The following HTR2C variants were observed in gnomAD, a reference collection of about 807,000 sequenced individuals.
HTR2C encodes the protein 5-hydroxytryptamine receptor 2C.
HTR2C carries 5 observed loss-of-function variants against 21.0 expected under a neutral mutation model. The observed-to-expected ratio is 0.24, with a 90% CI of 0.12 to 0.50. The LOEUF (loss-of-function observed/expected upper bound fraction) is 0.50. Among genes scored for constraint, HTR2C ranks in the 20% least tolerant of loss-of-function variants. The pLI, the probability that HTR2C is intolerant of heterozygous loss-of-function variation, is 0.98. For missense variants in HTR2C, 271 were observed against 371.2 expected (o/e 0.73, Z 2.22); for synonymous variants, 150 against 145.3 (o/e 1.03, Z -0.23).
chrX:114,836,739 A>T (rs1462970964), intron 4 of HTR2C, among the ~76,000 whole-genome samples: 2 of 112,218 alleles, frequency 1.8e-5, no homozygotes, highest in African/African-American at 6.5e-5. Context: ...CCCCTCGGTA[A>T]CTTTTTAAAA....
At chrX:114,858,678 A>G (rs1343320966) in intron 5 of HTR2C, among the ~76,000 whole-genome samples, 1 of 110,965 alleles carries the variant, frequency 9.0e-6, no homozygotes, top group Non-Finnish European at 1.9e-5. Flanking sequence ...AAATTTTTTT[A>G]ATTAATTGTT....
chrX:114,904,786 A>G (rs1043529864), intron 5 of HTR2C, among the ~76,000 whole-genome samples: 8 of 111,026 alleles, frequency 7.2e-5, no homozygotes, highest in Non-Finnish European at 1.5e-4. Flanking sequence ...GCCAACACTG[A>G]TGTCTTTAGG....
intron 5 of HTR2C, among the ~76,000 whole-genome samples, chrX:114,848,954 A>G (rs1248211633): frequency 9.0e-6 from 1 of 111,427 alleles, no homozygotes; most frequent in Non-Finnish European, 1.9e-5. Context: ...TGGTGTAAAT[A>G]ATTTTTCTTC....
chrX:114,717,376 T>C (rs1049806397), intron 2 of HTR2C, among the ~76,000 whole-genome samples: 4 of 112,596 alleles, frequency 3.6e-5, no homozygotes, highest in Non-Finnish European at 7.5e-5. Flanking sequence ...CATGGTCTAT[T>C]CTACAATTTA....
chrX:114,755,011 G>A (rs1376915140), intron 4 of HTR2C, among the ~76,000 whole-genome samples: 2 of 111,355 alleles, frequency 1.8e-5, no homozygotes, highest in Non-Finnish European at 3.8e-5. Context: ...AGGCCAAGGC[G>A]GGTGGATCAC....
chrX:114,820,974 C>T (rs782222408), intron 4 of HTR2C, among the ~76,000 whole-genome samples: 6 of 111,596 alleles, frequency 5.4e-5, no homozygotes, highest in African/African-American at 1.6e-4. Context: ...TATCATTATT[C>T]TGCAGAGTGA....
rs183345518 is a variant in HTR2C, at chrX:114,723,472, G to A, written c.-79-3386G>A. 6.2e-3 allele frequency among the ~76,000 whole-genome samples: 685 copies of A among 110,636 alleles called. 9 individuals carry two copies. The highest frequency in any genetic ancestry group is 0.021 in the African/African-American group (631 of 30,373). ...TGATCCTTTCAAAAAACCAGCTCCC[G>A]GATTCAATAATTTTTTGAAGGGTTT... is the stretch of plus-strand genomic sequence containing the variant. On this transcript the variant is annotated intron_variant, in intron 2 of 5. Coordinates refer to ENST00000276198, the MANE Select transcript of HTR2C (RefSeq NM_000868.4).
chrX:114,769,481 T>C (rs782172335), intron 4 of HTR2C, among the ~76,000 whole-genome samples: 1 of 111,203 alleles, frequency 9.0e-6, no homozygotes, highest in African/African-American at 3.2e-5. Flanking sequence ...ATATAAATCT[T>C]ATACCATAAA....
At chrX:114,730,131 A>G (rs1255543682) in intron 3 of HTR2C, among the ~76,000 whole-genome samples, 2 of 112,093 alleles carry the variant, frequency 1.8e-5, no homozygotes, top group Non-Finnish European at 3.8e-5. Context: ...TTATGAAGGA[A>G]AAAATGTGTA....
In HTR2C at chrX:114,770,284, T is replaced by A. The variant is rs1198771653; in HGVS notation, c.349+38677T>A. Among the ~76,000 whole-genome samples, 3 of 111,855 alleles carry A rather than the reference T, an allele frequency of 2.7e-5. No individual in the cohort carries two copies. In the Admixed American group the frequency reaches 2.9e-4, roughly 11 times the overall value. The stretch of plus-strand genomic sequence containing the variant: ...AATTTGGGAAAATTTCAGCCATTGT[T>A]TTTTCAAATATCTTTTCTGTATCTT... On this transcript the variant is annotated intron_variant, in intron 4 of 5. Transcript: ENST00000276198.
Position 114,712,560 on chromosome X carries a change from C to T in HTR2C, c.-79-14298C>T, listed in dbSNP as rs186198868. On this transcript the variant is annotated intron_variant, in intron 2 of 5. Transcript: ENST00000276198. ...AGAAAACTTTATTTACAGTCAGTTG[C>T]CTTTCTCTGAATAATCATATTGTTG... Among the ~76,000 whole-genome samples the T allele has an allele frequency of 1.6e-3, 175 of 111,904 alleles. 2 individuals are homozygous for T. The highest frequency in any genetic ancestry group is 5.4e-3 in the African/African-American group (167 of 30,915).
In HTR2C at chrX:114,703,767, C is replaced by T. The variant is rs190053247; in HGVS notation, c.-79-23091C>T. On this transcript the variant is annotated intron_variant, in intron 2 of 5. Transcript: ENST00000276198. ...AAACCCTTCAAAAAATTATTGAATC[C>T]GGGAGCTGGTTTTTTGAAAGGATCA... 9.8e-3 allele frequency among the ~76,000 whole-genome samples: 1,077 copies of T among 110,231 alleles called. 13 individuals carry two copies. The highest frequency in any genetic ancestry group is 0.034 in the African/African-American group (1,033 of 30,297).
chrX:114,652,608 T>C (rs782229585), intron 2 of HTR2C: 1 of 359,411 alleles, frequency 2.8e-6, no homozygotes, highest in East Asian at 8.5e-5. Context: ...AAAGAAAATA[T>C]CATAACATAT....
At chrX:114,724,405 G>T (rs1183215352) in intron 2 of HTR2C, among the ~76,000 whole-genome samples, 1 of 102,996 alleles carries the variant, frequency 9.7e-6, no homozygotes, top group Non-Finnish European at 2.0e-5. Context: ...GAGCCTATGT[G>T]TGTCTCTGCA....
At chrX:114,702,077 C>G (rs1373075983) in intron 2 of HTR2C, among the ~76,000 whole-genome samples, 133 of 110,403 alleles carry the variant, frequency 1.2e-3, no homozygotes, top group African/African-American at 4.0e-3. Context: ...ACCAAATCTA[C>G]GTCTGATTGG....
At chrX:114,705,000 G>A (rs1273681444) in intron 2 of HTR2C, among the ~76,000 whole-genome samples, 16 of 107,271 alleles carry the variant, frequency 1.5e-4, no homozygotes. Context: ...CAACTTATAA[G>A]GGATGTGAAG....
chrX:114,633,669 T>G (rs1929716560), intron 2 of HTR2C, among the ~76,000 whole-genome samples: 1 of 111,391 alleles, frequency 9.0e-6, no homozygotes, highest in Non-Finnish European at 1.9e-5. Context: ...ATATATATTC[T>G]TTTGATATCA....
At chrX:114,620,932 T>G (rs1929133932) in intron 2 of HTR2C, among the ~76,000 whole-genome samples, 1 of 111,283 alleles carries the variant, frequency 9.0e-6, no homozygotes, top group Non-Finnish European at 1.9e-5. Flanking sequence ...CAGGTTGGAG[T>G]GCAGTGGCAC....
intron 1 of HTR2C, chrX:114,589,568 G>T (rs1209696193): frequency 1.5e-5 from 2 of 131,424 alleles, no homozygotes; most frequent in East Asian, 2.3e-4. Flanking sequence ...ACTGACAGAA[G>T]GATCAGTAAA....
Sources: allele counts gnomAD v4.1 joint callset (sites outside exome capture counted in the v4.1 genomes callset), GRCh38; gene constraint gnomAD v4.1.1; transcripts MANE v1.5; gene names NCBI Gene and HGNC (gene_info 2026-07-23, HGNC 2026-07-21).